Variants in FRAS1 observed in about 807,000 individuals in gnomAD.
FRAS1 encodes Fraser extracellular matrix complex subunit 1.
FRAS1 carries 290 observed loss-of-function variants against 435.2 expected under a neutral mutation model. The ratio of observed to expected loss-of-function variants is 0.67; its 90% CI spans 0.61 to 0.73. FRAS1 has a LOEUF of 0.73. Among genes scored for constraint, FRAS1 ranks in the 30% least tolerant of loss-of-function variants. The probability of loss-of-function intolerance (pLI) is 0.00; values close to 1 mark genes in which losing one functional copy is unlikely to be tolerated. For synonymous variants in FRAS1, 1,800 were observed against 1,851.0 expected, an observed-to-expected ratio of 0.97 and a Z score of 0.71; for missense variants, 4,860 against 5,001.5, an observed-to-expected ratio of 0.97 and a Z score of 0.85.
intron 20 of FRAS1, among the ~76,000 whole-genome samples, chr4:78,356,315 T>A (rs1330444399): frequency 6.6e-6 from 1 of 152,102 alleles, no homozygotes; most frequent in African/African-American, 2.4e-5. Flanking sequence ...AAATTCTCCA[T>A]GATTTCCTAG....
intron 6 of FRAS1, among the ~76,000 whole-genome samples, chr4:78,260,738 A>G (rs922586198): frequency 2.6e-5 from 4 of 152,132 alleles, no homozygotes; most frequent in African/African-American, 9.6e-5. Context: ...TTCCAACACT[A>G]TGTTGAATAG....
chr4:78,086,465 C>A (rs1291686801), intron 2 of FRAS1, among the ~76,000 whole-genome samples: 1 of 151,872 alleles, frequency 6.6e-6, no homozygotes, highest in Non-Finnish European at 1.5e-5. Flanking sequence ...AAAAACCGTT[C>A]AAAAAATCAA....
At chr4:78,235,022 T>C (rs971103856) in intron 2 of FRAS1, among the ~76,000 whole-genome samples, 5 of 152,218 alleles carry the variant, frequency 3.3e-5, no homozygotes, top group Admixed American at 1.3e-4. Flanking sequence ...AACTGTATTA[T>C]AGAGCAGGTC....
At chr4:78,172,754 A>AT (rs548028911) in intron 2 of FRAS1, among the ~76,000 whole-genome samples, 49 of 149,116 alleles carry the variant, frequency 3.3e-4, no homozygotes, top group East Asian at 1.6e-3. Context: ...AAAAGTCACC[A>AT]TTTTTTTTTT....
At chr4:78,159,014 CA>C (rs1721012352) in intron 2 of FRAS1, among the ~76,000 whole-genome samples, 1 of 152,174 alleles carries the variant, frequency 6.6e-6, no homozygotes, top group Non-Finnish European at 1.5e-5. Context: ...TCTTTGATAT[CA>C]GGGGCAGCCC....
chr4:78,441,362 G>A, intron 41 of FRAS1, 65 bp downstream of exon 41: 1 of 1,455,966 alleles, frequency 6.9e-7, no homozygotes, highest in Non-Finnish European at 9.4e-7. Context: ...GGAGGACCTT[G>A]CTTCCAGCTA....
intron 14 of FRAS1, among the ~76,000 whole-genome samples, chr4:78,305,038 T>C (rs952845256): frequency 2.0e-5 from 3 of 152,228 alleles, no homozygotes; most frequent in Non-Finnish European, 4.4e-5. Context: ...TTTGAATGTG[T>C]CCCAGAGATT....
chr4:78,498,376 T>A (rs1578359260), intron 60 of FRAS1, among the ~76,000 whole-genome samples: 1 of 151,920 alleles, frequency 6.6e-6, no homozygotes, highest in East Asian at 1.9e-4. Flanking sequence ...CGTGGTGGCA[T>A]GCGCCTGTAA....
chr4:78,434,287 T>C (rs1322696265), intron 38 of FRAS1, among the ~76,000 whole-genome samples: 2 of 152,178 alleles, frequency 1.3e-5, no homozygotes, highest in Admixed American at 6.5e-5. Flanking sequence ...ATTTGCTTCT[T>C]AGCAGTGGTC....
chr4:78,504,545 T>A (rs1479688706), intron 61 of FRAS1, among the ~76,000 whole-genome samples: 5 of 152,224 alleles, frequency 3.3e-5, no homozygotes, highest in Non-Finnish European at 7.3e-5. Flanking sequence ...TTGCAACCCC[T>A]GCTTTTTTTC....
Position 78,266,909 on chromosome 4 carries a change from G to T in FRAS1, c.763G>T (p.Ala255Ser), listed in dbSNP as rs886059627. The stretch of plus-strand genomic sequence containing the variant: ...GGGTGAGGTCAGGTGTCACAAGCAG[G>T]CCTGCCTGCCCCTGAGATGCGGAAA... ...DRGEVRCHKQ[A>S]CLPLRCGKGQ... The change falls in exon 8 of 74, where the codon GCC (alanine) becomes TCC (serine). Residue 255 changes from alanine (A) to serine (S), a missense_variant. Transcript: ENST00000512123. The T allele has an allele frequency of 6.2e-7, 1 of 1,607,280 alleles. No individual in the cohort carries two copies. Among genetic ancestry groups the T allele is most frequent in the Non-Finnish European group, 8.5e-7 (1 of 1,176,740 alleles).
At chr4:78,296,664 G>A (rs1044986930) in intron 14 of FRAS1, among the ~76,000 whole-genome samples, 1 of 152,170 alleles carries the variant, frequency 6.6e-6, no homozygotes, top group Non-Finnish European at 1.5e-5. Context: ...GAGCCCATTC[G>A]TATAGCTGCT....
chr4:78,124,376 A>G (rs1719216684), intron 2 of FRAS1, among the ~76,000 whole-genome samples: 1 of 152,206 alleles, frequency 6.6e-6, no homozygotes, highest in Non-Finnish European at 1.5e-5. Context: ...TCAGTTTGCC[A>G]GTATTTTATT....
intron 2 of FRAS1, among the ~76,000 whole-genome samples, chr4:78,176,209 A>C (rs866556555): frequency 7.2e-5 from 11 of 152,192 alleles, no homozygotes; most frequent in African/African-American, 2.4e-4. Flanking sequence ...CATCTATGCA[A>C]ATTGGCAATT....
intron 2 of FRAS1, among the ~76,000 whole-genome samples, chr4:78,174,171 T>A (rs1013218387): frequency 6.6e-6 from 1 of 152,254 alleles, no homozygotes; most frequent in Admixed American, 6.5e-5. Context: ...AGGAGCTCTC[T>A]GTAAATTAAA....
chr4:78,108,456 C>T (rs1378965671), intron 2 of FRAS1, among the ~76,000 whole-genome samples: 4 of 84,334 alleles, frequency 4.7e-5, no homozygotes, highest in Non-Finnish European at 6.8e-5. Flanking sequence ...CACTCAAAGC[C>T]GTTCAACTAC....
At chr4:78,405,871 T>C (rs1733077067) in intron 30 of FRAS1, among the ~76,000 whole-genome samples, 1 of 152,248 alleles carries the variant, frequency 6.6e-6, no homozygotes, top group African/African-American at 2.4e-5. Context: ...TTCTTCTGTT[T>C]GGTCTTCAAT....
rs890928299 is a variant in FRAS1, at chr4:78,528,884, C to T, written c.10925+2227C>T. Among the ~76,000 whole-genome samples, 32 of 152,260 alleles carry T rather than the reference C, an allele frequency of 2.1e-4. 1 individual carries two copies. Among genetic ancestry groups the T allele is most frequent in the Admixed American group, 1.3e-3 (20 of 15,280 alleles). On this transcript the variant is annotated intron_variant, in intron 70 of 73. Transcript: ENST00000512123. ...ATGTAACTATGTATGTCCATTCCCA[C>T]CATGAGAGTGCACGCGCTCCCTTTC...
chr4:78,415,079 C>T (rs116709539), intron 32 of FRAS1, among the ~76,000 whole-genome samples: 11 of 152,256 alleles, frequency 7.2e-5, no homozygotes, highest in East Asian at 1.9e-4. Context: ...ACACAGATTG[C>T]GCTCACCCAC....
Sources: allele counts gnomAD v4.1 joint callset (sites outside exome capture counted in the v4.1 genomes callset), GRCh38; gene constraint gnomAD v4.1.1; transcripts MANE v1.5; gene names NCBI Gene and HGNC (gene_info 2026-07-23, HGNC 2026-07-21).